Variants in BTNL8 observed in about 807,000 individuals in gnomAD.
BTNL8 encodes butyrophilin-like protein 8.
Under a neutral mutation model 36.1 loss-of-function variants are expected in BTNL8, and 22 were observed. The ratio of observed to expected loss-of-function variants is 0.61; its 90% CI spans 0.44 to 0.87. BTNL8 has a LOEUF of 0.87. Ranked by LOEUF, BTNL8 falls within the 40% of genes least tolerant of loss-of-function variation. BTNL8 has a pLI of 0.00. For missense variants in BTNL8, 526 were observed against 616.9 expected, an observed-to-expected ratio of 0.85 and a Z score of 1.56; for synonymous variants, 203 against 235.6, an observed-to-expected ratio of 0.86 and a Z score of 1.27.
intron 3 of BTNL8, among the ~76,000 whole-genome samples, chr5:180,912,035 C>A (rs1319170581): frequency 6.6e-6 from 1 of 152,152 alleles, no homozygotes; most frequent in African/African-American, 2.4e-5. Flanking sequence ...CAGCTGAAGA[C>A]CTGAATAGAA....
chr5:180,938,517 T>C (rs926804898), intron 3 of BTNL8, among the ~76,000 whole-genome samples: 1 of 148,638 alleles, frequency 6.7e-6, no homozygotes, highest in Non-Finnish European at 1.5e-5. Context: ...TCTTTCCTTC[T>C]TCCTTCCTTC....
intron 3 of BTNL8, among the ~76,000 whole-genome samples, chr5:180,939,467 T>A (rs1403808734): frequency 1.3e-5 from 2 of 152,160 alleles, no homozygotes; most frequent in Non-Finnish European, 2.9e-5. Context: ...AAGAAGATTA[T>A]TATTTAATGA....
intron 3 of BTNL8, among the ~76,000 whole-genome samples, chr5:180,943,849 AC>A (rs1289971950): frequency 6.6e-6 from 1 of 152,260 alleles, no homozygotes; most frequent in Non-Finnish European, 1.5e-5. Flanking sequence ...GTGTTTATTA[AC>A]AAATTAATGA....
At chr5:180,907,979 T>G (rs1247713247) in intron 1 of BTNL8, among the ~76,000 whole-genome samples, 1 of 152,188 alleles carries the variant, frequency 6.6e-6, no homozygotes, top group Non-Finnish European at 1.5e-5. Context: ...TTTGTGTGTC[T>G]GTGCCCTGCC....
rs373695680 is a variant in BTNL8 at position 180,949,200 on chromosome 5, G to A, written c.836-39G>A. 340 of 1,448,046 alleles carry A rather than the reference G, an allele frequency of 2.3e-4. 68 individuals carry two copies. Among genetic ancestry groups the A allele is most frequent in the Middle Eastern group, 2.0e-3 (11 of 5,406 alleles). The allele number at this position is 1,448,046 out of a possible 1,614,324, so 89.7% of individuals were successfully genotyped here. A position where few individuals can be genotyped will look rare whatever the true frequency, so the allele number is the denominator to read the frequency against. On this transcript the variant is annotated intron_variant, in intron 6 of 7. Transcript: ENST00000340184. Reference sequence around the variant, plus strand: ...CTTCTCCCTGCGCCCTGTTTCCCACGTGAGCACTGAACTGCCTGCTCTGTC... The same window carrying A: ...CTTCTCCCTGCGCCCTGTTTCCCACATGAGCACTGAACTGCCTGCTCTGTC...
At chr5:180,934,592 C>T (rs1758558420) in intron 3 of BTNL8, among the ~76,000 whole-genome samples, 1 of 152,226 alleles carries the variant, frequency 6.6e-6, no homozygotes. Context: ...TAGGCACCAG[C>T]ACAGGTGCCA....
chr5:180,906,264 T>C (rs1236326233), intron 1 of BTNL8, among the ~76,000 whole-genome samples: 4 of 148,578 alleles, frequency 2.7e-5, no homozygotes, highest in African/African-American at 7.7e-5. Context: ...TTGATCCCTT[T>C]ACCATTATGT....
At position 180,950,584 on chromosome 5, in the gene BTNL8, G is replaced by A. The variant is rs2113039284; in HGVS notation, c.*40G>A. 6.9e-7 allele frequency: 1 copy of A among 1,448,144 alleles called. No homozygotes were observed. The highest frequency in any genetic ancestry group is 1.9e-5 in the Admixed American group (1 of 52,698). The allele number at this position is 1,448,144 out of a possible 1,614,324, so 89.7% of individuals were successfully genotyped here. On this transcript the variant is annotated 3_prime_UTR_variant, in exon 8 of 8. Transcript: ENST00000340184. Reference sequence around the variant, plus strand: ...CACATTCTTCTTTAGGGATATTAAGGTCTCTCTCCCAGATCCAAAGTCCCG... The same window carrying A: ...CACATTCTTCTTTAGGGATATTAAGATCTCTCTCCCAGATCCAAAGTCCCG...
At chr5:180,939,649 C>A (rs963697996) in intron 3 of BTNL8, among the ~76,000 whole-genome samples, 2 of 152,106 alleles carry the variant, frequency 1.3e-5, no homozygotes, top group Non-Finnish European at 2.9e-5. Context: ...AAGCTGGGGG[C>A]TTCAACACCC....
rs775692069 is a variant in BTNL8, at chr5:180,950,146, G to A, written c.1105G>A (p.Val369Met). 6.8e-7 allele frequency: 1 copy of A among 1,462,868 alleles called. No homozygotes were observed. The highest frequency in any genetic ancestry group is 1.9e-5 in the Admixed American group (1 of 53,182). 90.6% of individuals were successfully genotyped at this position (1,462,868 alleles called of 1,614,324 possible). The change falls in exon 8 of 8, where the codon GTG becomes ATG. Residue 369 changes from valine (V) to methionine (M), a missense_variant. Coordinates refer to ENST00000340184, the MANE Select transcript of BTNL8 (RefSeq NM_001040462.3). ...TGATGTGGACAGGAGGAAGGAGTACGTGACTTTGTCTCCCGATCATGGGTA... is the reference window on the plus strand; with the variant it reads ...TGATGTGGACAGGAGGAAGGAGTACATGACTTTGTCTCCCGATCATGGGTA... ...RDDVDRRKEYVTLSPDHGYWV... is the reference protein window; with the variant it reads ...RDDVDRRKEYMTLSPDHGYWV...
intron 3 of BTNL8, among the ~76,000 whole-genome samples, chr5:180,924,748 G>T (rs1467490656): frequency 6.6e-6 from 1 of 152,098 alleles, no homozygotes; most frequent in African/African-American, 2.4e-5. Flanking sequence ...AAAGACAGAA[G>T]GATTATTTTA....
At chr5:180,924,651 T>C (rs1758017253) in intron 3 of BTNL8, among the ~76,000 whole-genome samples, 1 of 152,196 alleles carries the variant, frequency 6.6e-6, no homozygotes, top group African/African-American at 2.4e-5. Context: ...CCAGGCTATA[T>C]TAAATAGTGA....
chr5:180,923,148 C>T (rs911181937), intron 3 of BTNL8, among the ~76,000 whole-genome samples: 8 of 152,088 alleles, frequency 5.3e-5, no homozygotes, highest in African/African-American at 1.9e-4. Flanking sequence ...CAGCTTGCCA[C>T]TCTGTGCCTT....
chr5:180,939,917 C>T (rs1261405309), intron 3 of BTNL8, among the ~76,000 whole-genome samples: 1 of 151,938 alleles, frequency 6.6e-6, no homozygotes, highest in African/African-American at 2.4e-5. Flanking sequence ...TAGAATAAAA[C>T]AAGAAATCAA....
intron 3 of BTNL8, among the ~76,000 whole-genome samples, chr5:180,929,603 T>A (rs182691171): frequency 6.9e-4 from 105 of 151,986 alleles, no homozygotes; most frequent in Non-Finnish European, 1.4e-3. Flanking sequence ...AGGAATCAAA[T>A]AGACACAATA....
intron 3 of BTNL8, among the ~76,000 whole-genome samples, chr5:180,917,610 A>T (rs934902836): frequency 9.8e-5 from 11 of 112,268 alleles, no homozygotes; most frequent in Admixed American, 5.7e-4. Flanking sequence ...AGAATAATTT[A>T]AAAAAAATAC....
intron 3 of BTNL8, chr5:180,945,813 T>C: frequency 2.0e-6 from 1 of 507,286 alleles, no homozygotes; most frequent in Non-Finnish European, 3.9e-6. Flanking sequence ...GGGTTCTTGC[T>C]CTTGTCGAGT....
chr5:180,901,054 G>T (rs913681660), intron 1 of BTNL8, among the ~76,000 whole-genome samples: 10 of 152,220 alleles, frequency 6.6e-5, no homozygotes, highest in African/African-American at 2.2e-4. Flanking sequence ...GGGGGACTCA[G>T]GGTTGGGTGG....
At chr5:180,931,018 A>G (rs998217128) in intron 3 of BTNL8, among the ~76,000 whole-genome samples, 4 of 152,242 alleles carry the variant, frequency 2.6e-5, no homozygotes, top group African/African-American at 9.6e-5. Flanking sequence ...ATCCTAAGCA[A>G]AAAGAACAAA....
Sources: gnomAD v4.1 joint callset for allele counts (sites outside exome capture counted in the v4.1 genomes callset) on GRCh38, gnomAD v4.1.1 for gene constraint, MANE v1.5 for transcripts, NCBI Gene and HGNC (gene_info 2026-07-23, HGNC 2026-07-21) for gene names.